The following SIPA1L1 variants were observed in gnomAD, a reference collection of about 807,000 sequenced individuals.
SIPA1L1 encodes signal induced proliferation associated 1 like 1, also known as signal-induced proliferation-associated 1-like protein 1.
Under a neutral mutation model 162.7 loss-of-function variants are expected in SIPA1L1, and 26 were observed. The ratio of observed to expected loss-of-function variants is 0.16; its 90% CI spans 0.12 to 0.22. The LOEUF (loss-of-function observed/expected upper bound fraction) is 0.22, where lower values mean the gene tolerates loss of function less well. Among genes scored for constraint, SIPA1L1 ranks in the 10% least tolerant of loss-of-function variants. SIPA1L1 has a pLI of 1.00. For missense variants in SIPA1L1, 1,874 were observed against 2,241.0 expected, an observed-to-expected ratio of 0.84 and a Z score of 3.31; for synonymous variants, 829 against 837.4, an observed-to-expected ratio of 0.99 and a Z score of 0.17.
intron 2 of SIPA1L1, among the ~76,000 whole-genome samples, chr14:71,503,407 T>C (rs1411133603): frequency 6.6e-6 from 1 of 152,226 alleles, no homozygotes. Context: ...GCTGATTTCA[T>C]TGACTTGATC....
chr14:71,413,236 A>G (rs2042532214), intron 2 of SIPA1L1, among the ~76,000 whole-genome samples: 1 of 152,170 alleles, frequency 6.6e-6, no homozygotes, highest in African/African-American at 2.4e-5. Flanking sequence ...CCTGTAGAGA[A>G]CTAGTATTTT....
intron 2 of SIPA1L1, among the ~76,000 whole-genome samples, chr14:71,485,353 A>G (rs1291816134): frequency 6.6e-6 from 1 of 152,210 alleles, no homozygotes; most frequent in Non-Finnish European, 1.5e-5. Context: ...GCAGGAGGTG[A>G]GCAGTGAGCA....
intron 17 of SIPA1L1, among the ~76,000 whole-genome samples, chr14:71,720,639 T>C (rs962232671): frequency 6.6e-6 from 1 of 152,202 alleles, no homozygotes; most frequent in African/African-American, 2.4e-5. Flanking sequence ...TATTCTTTTT[T>C]CTTTTTTCTA....
At chr14:71,593,913 C>G (rs1188262567) in intron 5 of SIPA1L1, among the ~76,000 whole-genome samples, 1 of 152,202 alleles carries the variant, frequency 6.6e-6, no homozygotes, top group African/African-American at 2.4e-5. Context: ...CTACTGCACA[C>G]TGCCCAGGAG....
At chr14:71,709,690 T>G in intron 17 of SIPA1L1, 26 bp downstream of exon 17, 1 of 1,588,148 alleles carries the variant, frequency 6.3e-7, no homozygotes. Flanking sequence ...CGCTGTCTGA[T>G]TCCCAGCCCA....
At chr14:71,688,496 T>A (rs958831752) in intron 13 of SIPA1L1, among the ~76,000 whole-genome samples, 2 of 152,242 alleles carry the variant, frequency 1.3e-5, no homozygotes, top group East Asian at 3.8e-4. Flanking sequence ...TCAGTCCTTC[T>A]TGAGTCCCCA....
intron 8 of SIPA1L1, 31 bp from the exon 9 acceptor site, chr14:71,658,302 C>A: frequency 9.9e-7 from 1 of 1,009,202 alleles, no homozygotes; most frequent in South Asian, 1.3e-5. Flanking sequence ...CTGTTATAGT[C>A]ATCTCATCAT....
At chr14:71,385,432 A>G (rs1331340873) in intron 2 of SIPA1L1, among the ~76,000 whole-genome samples, 1 of 152,188 alleles carries the variant, frequency 6.6e-6, no homozygotes, top group East Asian at 1.9e-4. Context: ...TACAGATGTT[A>G]AAACAAAAGC....
intron 10 of SIPA1L1, among the ~76,000 whole-genome samples, chr14:71,663,255 AATT>A (rs1470942010): frequency 6.6e-6 from 1 of 152,188 alleles, no homozygotes; most frequent in Non-Finnish European, 1.5e-5. Context: ...AGCATTTAAC[AATT>A]ATTGTGACAT....
At chr14:71,644,143 G>A (rs547007352) in intron 7 of SIPA1L1, among the ~76,000 whole-genome samples, 1 of 151,928 alleles carries the variant, frequency 6.6e-6, no homozygotes, top group Non-Finnish European at 1.5e-5. Context: ...TAGCTATGTG[G>A]AATCTGAAAT....
At chr14:71,438,311 TG>T in intron 2 of SIPA1L1, among the ~76,000 whole-genome samples, 1 of 152,270 alleles carries the variant, frequency 6.6e-6, no homozygotes, top group African/African-American at 2.4e-5. Context: ...TAATGAGCCT[TG>T]GCCCCCGATT....
intron 2 of SIPA1L1, among the ~76,000 whole-genome samples, chr14:71,480,453 TAA>T (rs71448367): frequency 2.0e-4 from 25 of 124,668 alleles, no homozygotes; most frequent in Admixed American, 1.7e-4. Context: ...CTCTTAGTCT[TAA>T]AAAAAAAAAA....
Position 71,377,541 on chromosome 14 carries a change from C to G in SIPA1L1, c.-465+56360C>G, listed in dbSNP as rs528365193. On this transcript the variant is annotated intron_variant, in intron 2 of 23. Coordinates refer to ENST00000381232, the MANE Select transcript of SIPA1L1 (RefSeq NM_001386936.1). This position sits in a 1 kb window ranked among gnomAD's most constrained non-coding sequence, Gnocchi z 4.8. Reference sequence around the variant, plus strand: ...CCTCACATCCCAGACCATGGGCAGCCAGGCAGAGACGCTCCTCACTTCCTA... The same window carrying G: ...CCTCACATCCCAGACCATGGGCAGCGAGGCAGAGACGCTCCTCACTTCCTA... Among the ~76,000 whole-genome samples, 1 of 152,116 alleles carries G rather than the reference C, an allele frequency of 6.6e-6. No homozygotes were observed. Among genetic ancestry groups the G allele is most frequent in the South Asian group, 2.1e-4 (1 of 4,822 alleles).
intron 11 of SIPA1L1, 47 bp downstream of exon 11, chr14:71,671,739 A>C (rs1209378749): frequency 7.0e-7 from 1 of 1,435,186 alleles, no homozygotes; most frequent in African/African-American, 1.4e-5. Flanking sequence ...TCTTTCATAA[A>C]GTTTTCAATA....
intron 13 of SIPA1L1, among the ~76,000 whole-genome samples, chr14:71,691,896 A>C (rs892298373): frequency 1.3e-5 from 2 of 152,198 alleles, no homozygotes; most frequent in African/African-American, 4.8e-5. Context: ...CACAAAATTT[A>C]TGAAACTTCG....
chr14:71,333,913 G>A (rs527882372), intron 2 of SIPA1L1, among the ~76,000 whole-genome samples: 2 of 152,276 alleles, frequency 1.3e-5, no homozygotes, highest in South Asian at 4.1e-4. Context: ...AGTGGTTTCT[G>A]GATATATCTC....
At chr14:71,397,058 G>A (rs1463527120) in intron 2 of SIPA1L1, among the ~76,000 whole-genome samples, 1 of 152,150 alleles carries the variant, frequency 6.6e-6, no homozygotes, top group African/African-American at 2.4e-5. Context: ...TGTGGCTAAT[G>A]GATGATTCTG....
intron 5 of SIPA1L1, among the ~76,000 whole-genome samples, chr14:71,610,783 T>C (rs1028755590): frequency 6.6e-6 from 1 of 152,222 alleles, no homozygotes; most frequent in African/African-American, 2.4e-5. Context: ...TGCCTTTTAC[T>C]GAAAAATTAG....
chr14:71,500,287 G>A (rs2050104929), intron 2 of SIPA1L1, among the ~76,000 whole-genome samples: 1 of 152,124 alleles, frequency 6.6e-6, no homozygotes. Context: ...ATCAATAAAA[G>A]CGTGACACTC....
Sources: allele counts gnomAD v4.1 joint callset (sites outside exome capture counted in the v4.1 genomes callset), GRCh38; gene constraint gnomAD v4.1.1; non-coding constraint Gnocchi (gnomAD v3.1); transcripts MANE v1.5; gene names NCBI Gene and HGNC (gene_info 2026-07-23, HGNC 2026-07-21).